MTFMT: variants seen among roughly 807,000 people sequenced by gnomAD.
MTFMT encodes the protein mitochondrial methionyl-tRNA formyltransferase, also known as methionyl-tRNA formyltransferase, mitochondrial.
In MTFMT, 47 loss-of-function variants were observed where a neutral mutation model predicts 51.8. The observed-to-expected ratio is 0.91, with a 90% CI of 0.72 to 1.16. The LOEUF (loss-of-function observed/expected upper bound fraction) is 1.16. MTFMT is among the 50% of genes most tolerant of loss of function. MTFMT has a pLI of 0.00. For missense variants in MTFMT, 512 were observed against 482.3 expected (o/e 1.06, Z -0.58); for synonymous variants, 196 against 176.7 (o/e 1.11, Z -0.87).
At chr15:65,022,743 G>A (rs965315106) in intron 3 of MTFMT, among the ~76,000 whole-genome samples, 30 of 141,768 alleles carry the variant, frequency 2.1e-4, no homozygotes, top group African/African-American at 5.6e-4. Context: ...TTCTTGCTCC[G>A]TCGCCCAGGC....
At chr15:65,026,524 A>T (rs1490888594) in intron 2 of MTFMT, 4 of 305,786 alleles carry the variant, frequency 1.3e-5, no homozygotes. Context: ...GAACATCTTA[A>T]GTTACTGGAT....
chr15:65,024,577 C>T (rs2086405598), intron 2 of MTFMT, among the ~76,000 whole-genome samples: 1 of 151,420 alleles, frequency 6.6e-6, no homozygotes, highest in Non-Finnish European at 1.5e-5. Flanking sequence ...TGGCTCACTG[C>T]AGCCTCAACC....
At chr15:65,013,429 T>C (rs1307256485) in intron 6 of MTFMT, among the ~76,000 whole-genome samples, 1 of 152,156 alleles carries the variant, frequency 6.6e-6, no homozygotes, top group African/African-American at 2.4e-5. Flanking sequence ...TCATTAAGTA[T>C]GATGTTAGTT....
At chr15:65,012,619 C>G (rs551950210) in intron 6 of MTFMT, among the ~76,000 whole-genome samples, 4 of 152,234 alleles carry the variant, frequency 2.6e-5, no homozygotes, top group Admixed American at 2.0e-4. Flanking sequence ...AGGCTGGTCT[C>G]AAACTCCTGA....
At chr15:65,020,395 TAA>T in intron 4 of MTFMT, 123 bp from the exon 5 acceptor site, 1 of 800,826 alleles carries the variant, frequency 1.2e-6, no homozygotes, top group African/African-American at 1.8e-5. Flanking sequence ...TTTTTCAAAT[TAA>T]AAAAAAAATC....
rs398027674 is a variant in MTFMT at position 65,002,962 on chromosome 15, CAAAA to C, written c.*96_*99del. 2.8e-3 allele frequency: 924 copies of C among 324,572 alleles called. No individual in the cohort carries two copies. Among genetic ancestry groups the C allele is most frequent in the East Asian group, 4.8e-3 (83 of 17,130 alleles). The allele number at this position is 324,572 out of a possible 1,614,324, so 20.1% of individuals were successfully genotyped here. A position where few individuals can be genotyped will look rare whatever the true frequency, so the allele number is the denominator to read the frequency against. ...TGGGTGACAGAGTGAGACTCTGTCT[CAAAA>C]AAAAAAAAAAAAAAAAAAGTCCAGA... is the stretch of plus-strand genomic sequence containing the variant. On this transcript the variant is annotated 3_prime_UTR_variant, in exon 9 of 9. Coordinates refer to ENST00000220058, the MANE Select transcript of MTFMT (RefSeq NM_139242.4).
chr15:65,029,428 C>A lies in MTFMT; in HGVS notation c.186G>T (p.Ala62=). 1 of 1,503,084 alleles carries A rather than the reference C, an allele frequency of 6.7e-7. No homozygotes were observed. The highest frequency in any genetic ancestry group is 8.9e-7 in the Non-Finnish European group (1 of 1,127,876). The allele number at this position is 1,503,084 out of a possible 1,614,324, so 93.1% of individuals were successfully genotyped here. Reference sequence around the variant, plus strand: ...ACCTGGCGGCGTGCAGCGCCCGCAGCGCCTCGCGGGCGAACTGGTCCGTGC... The same window carrying A: ...ACCTGGCGGCGTGCAGCGCCCGCAGAGCCTCGCGGGCGAACTGGTCCGTGC... ...FFGTDQFARE[A]LRALHAAREN... The change falls in exon 1 of 9, where the codon GCG becomes GCT. Residue 62 remains alanine, a synonymous_variant. Coordinates refer to ENST00000220058, the MANE Select transcript of MTFMT (RefSeq NM_139242.4).
chr15:65,005,897 C>T (rs2086216248), intron 7 of MTFMT, among the ~76,000 whole-genome samples: 1 of 152,076 alleles, frequency 6.6e-6, no homozygotes. Context: ...CGTGAGCCAC[C>T]GCGCCTGGCC....
At position 65,029,458 on chromosome 15, in the gene MTFMT, G is replaced by T. The variant is rs752083398; in HGVS notation, c.156C>A (p.Phe52Leu). 1.1e-5 allele frequency: 17 copies of T among 1,531,068 alleles called. No individual in the cohort carries two copies. In the African/African-American group the frequency reaches 1.6e-4, roughly 14 times the overall value. 94.8% of individuals were successfully genotyped at this position (1,531,068 alleles called of 1,614,324 possible). ...CGCGGGCGAACTGGTCCGTGCCGAAGAAGAGCACCCGCCAGGGAGGCTTCT... is the reference window on the plus strand; with the variant it reads ...CGCGGGCGAACTGGTCCGTGCCGAATAAGAGCACCCGCCAGGGAGGCTTCT... ...VREKPPWRVL[F>L]FGTDQFAREA... The change falls in exon 1 of 9, where the codon TTC (phenylalanine) becomes TTA (leucine). Residue 52 changes from phenylalanine (F) to leucine (L), a missense_variant. Physicochemically the swap from Phe to Leu is conservative, Grantham distance 22. Transcript: ENST00000220058.
intron 1 of MTFMT, among the ~76,000 whole-genome samples, chr15:65,027,567 GT>G (rs779738820): frequency 1.8e-4 from 27 of 152,256 alleles, no homozygotes; most frequent in Non-Finnish European, 1.6e-4. Flanking sequence ...AGTGGCTACT[GT>G]TTGAACAGTA....
chr15:65,015,137 C>T (rs2086308058), intron 6 of MTFMT, among the ~76,000 whole-genome samples: 1 of 151,926 alleles, frequency 6.6e-6, no homozygotes, highest in South Asian at 2.1e-4. Context: ...TTATACCAGC[C>T]CTGATATTCC....
In MTFMT at chr15:65,026,992, C is replaced by A; in HGVS notation, c.258G>T (p.Met86Ile). 1 of 1,613,970 alleles carries A rather than the reference C, an allele frequency of 6.2e-7. No individual in the cohort carries two copies. Among genetic ancestry groups the A allele is most frequent in the Non-Finnish European group, 8.5e-7 (1 of 1,179,884 alleles). The stretch of plus-strand genomic sequence containing the variant: ...GCAGTCCTTTTGGTGATGGGGAAGG[C>A]ATTGTGACCACCTCCAGTTTGTCGA... Reference protein sequence around the residue: ...ELIDKLEVVTMPSPSPKGLPV... With the variant: ...ELIDKLEVVTIPSPSPKGLPV... Residue 86 changes from methionine (M) to isoleucine (I), a missense_variant, in exon 2 of 9, where the codon ATG becomes ATT. Transcript: ENST00000220058.
intron 5 of MTFMT, among the ~76,000 whole-genome samples, chr15:65,019,956 T>C (rs994468497): frequency 1.3e-5 from 2 of 152,168 alleles, no homozygotes; most frequent in South Asian, 4.1e-4. Context: ...GTGTTTATTA[T>C]ACCAGTCTTT....
At chr15:65,010,217 T>C (rs2086252428) in intron 6 of MTFMT, among the ~76,000 whole-genome samples, 1 of 152,218 alleles carries the variant, frequency 6.6e-6, no homozygotes. Flanking sequence ...GACAGCTTTA[T>C]TGAGATGTAA....
chr15:65,029,464 C>T lies in MTFMT; in HGVS notation c.150G>A (p.Val50=). 4.6e-6 allele frequency: 7 copies of T among 1,532,002 alleles called. No homozygotes were observed. The highest frequency in any genetic ancestry group is 6.1e-6 in the Non-Finnish European group (7 of 1,141,608). 94.9% of individuals were successfully genotyped at this position (1,532,002 alleles called of 1,614,324 possible). The part of the protein sequence containing the change: ...SRVREKPPWR[V]LFFGTDQFAR... ...CGAACTGGTCCGTGCCGAAGAAGAG[C>T]ACCCGCCAGGGAGGCTTCTCGCGGA... The change falls in exon 1 of 9, where the codon GTG becomes GTA. Residue 50 remains valine (V), a synonymous_variant. Coordinates refer to ENST00000220058, the MANE Select transcript of MTFMT (RefSeq NM_139242.4).
At position 65,029,563 on chromosome 15, in the gene MTFMT, G is replaced by A. The variant is rs1340259978; in HGVS notation, c.51C>T (p.Ala17=). 5 of 1,502,626 alleles carry A rather than the reference G, an allele frequency of 3.3e-6. No individual in the cohort carries two copies. The highest frequency in any genetic ancestry group is 1.4e-5 in the African/African-American group (1 of 69,098). 93.1% of individuals were successfully genotyped at this position (1,502,626 alleles called of 1,614,324 possible). The stretch of plus-strand genomic sequence containing the variant: ...ACTGGGGACTCGGCCTCCCACGCCT[G>A]GCGCCATGAGCCAGCGGAGGACCCC... ...RCWGPPLAHG[A]RRGRPSPQWR... The change falls in exon 1 of 9, where the codon GCC becomes GCT. Residue 17 remains alanine (A), a synonymous_variant. Transcript: ENST00000220058.
At chr15:65,013,481 C>A (rs556757708) in intron 6 of MTFMT, among the ~76,000 whole-genome samples, 19 of 152,194 alleles carry the variant, frequency 1.2e-4, no homozygotes, top group African/African-American at 4.3e-4. Flanking sequence ...TGAGGAAATG[C>A]TCTTCTATTT....
Position 65,001,768 on chromosome 15 carries a change from C to T in MTFMT, c.*1294G>A, listed in dbSNP as rs2086178390. 6.6e-6 allele frequency: 1 copy of T among 151,936 alleles called. No homozygotes were observed. Among genetic ancestry groups the T allele is most frequent in the Non-Finnish European group, 1.5e-5 (1 of 68,006 alleles). The allele number at this position is 151,936 out of a possible 1,614,324, so 9.4% of individuals were successfully genotyped here. A position where few individuals can be genotyped will look rare whatever the true frequency, so the allele number is the denominator to read the frequency against. ...GTGGCCCCACTTTGGGAGGCTGAGG[C>T]TGGAGGATCACTTAAGCCCAGGAGG... On this transcript the variant is annotated 3_prime_UTR_variant, in exon 9 of 9. Coordinates refer to ENST00000220058, the MANE Select transcript of MTFMT (RefSeq NM_139242.4).
chr15:65,005,962 A>G, intron 7 of MTFMT, 151 bp downstream of exon 7: 1 of 537,642 alleles, frequency 1.9e-6, no homozygotes, highest in Non-Finnish European at 3.3e-6. Flanking sequence ...TGCAAAGAAT[A>G]AGACAATAAG....
Sources: allele counts gnomAD v4.1 joint callset (sites outside exome capture counted in the v4.1 genomes callset), GRCh38; gene constraint gnomAD v4.1.1; transcripts MANE v1.5; gene names NCBI Gene and HGNC (gene_info 2026-07-23, HGNC 2026-07-21).